Variants in CHD5 observed in about 807,000 individuals in gnomAD.
CHD5 encodes the protein chromodomain helicase DNA binding protein 5.
Under a neutral mutation model 230.3 loss-of-function variants are expected in CHD5, and 69 were observed. That is an observed-to-expected ratio of 0.30 (90% CI 0.25 to 0.37). The LOEUF is 0.37. CHD5 is among the 10% of genes least tolerant of loss of function. The pLI, the probability that CHD5 is intolerant of heterozygous loss-of-function variation, is 1.00. For missense variants in CHD5, 1,827 were observed against 2,622.8 expected (o/e 0.70, Z 6.63); for synonymous variants, 1,064 against 1,065.9 (o/e 1.00, Z 0.03).
intron 11 of CHD5, 138 bp from the exon 12 acceptor site, chr1:6,144,293 G>C: frequency 8.4e-7 from 1 of 1,194,222 alleles, no homozygotes. Flanking sequence ...AGGAGGAGAC[G>C]AGGGCAGAAG....
At position 6,131,888 on chromosome 1, in the gene CHD5, G is replaced by A. The variant is rs1666663410; in HGVS notation, c.3145-140C>T. 3.2e-6 allele frequency: 2 copies of A among 626,912 alleles called. No homozygotes were observed. The highest frequency in any genetic ancestry group is 5.8e-6 in the Non-Finnish European group (2 of 345,024). The allele number at this position is 626,912 out of a possible 1,614,324, so 38.8% of individuals were successfully genotyped here. On this transcript the variant is annotated intron_variant, in intron 20 of 41. Coordinates refer to ENST00000262450, the MANE Select transcript of CHD5 (RefSeq NM_015557.3). This position sits in a 1 kb window ranked among gnomAD's most constrained non-coding sequence, Gnocchi z 5.0. ...CAGCTGGGACCCAGGCAGGCCCAAT[G>A]CAGGACTCTGGGGAAGAACAAAGCT... is the stretch of plus-strand genomic sequence containing the variant.
Position 6,128,389 on chromosome 1 carries a change from A to G in CHD5, c.3730+110T>C. The G allele has an allele frequency of 2.7e-6, 3 of 1,130,282 alleles. No individual in the cohort carries two copies. Among genetic ancestry groups the G allele is most frequent in the Non-Finnish European group, 3.9e-6 (3 of 771,836 alleles). 70.0% of individuals were successfully genotyped at this position (1,130,282 alleles called of 1,614,324 possible). A position where few individuals can be genotyped will look rare whatever the true frequency, so the allele number is the denominator to read the frequency against. On this transcript the variant is annotated intron_variant, in intron 24 of 41. Coordinates refer to ENST00000262450, the MANE Select transcript of CHD5 (RefSeq NM_015557.3). The surrounding 1 kb of genome is among the most constrained non-coding windows in gnomAD (Gnocchi z 7.8). ...GCTGTAACAGCCCCACTCGCCGCCC[A>G]CCTGGCAGTCCCAGGACGCCCAAGT... is the stretch of plus-strand genomic sequence containing the variant.
chr1:6,106,829 G>C, intron 38 of CHD5, 50 bp from the exon 39 acceptor site: 1 of 1,525,888 alleles, frequency 6.6e-7, no homozygotes, highest in Non-Finnish European at 8.9e-7. Flanking sequence ...GAGGGGTGGA[G>C]GGATGGAGGA....
Position 6,160,983 on chromosome 1 carries a change from G to A in CHD5, c.208-1468C>T, listed in dbSNP as rs550688610. ...CTGCCATGATCCCCGGGGCATGCGG[G>A]GCTTGCCATGCGCAGGACTGCTGTT... is the stretch of plus-strand genomic sequence containing the variant. On this transcript the variant is annotated intron_variant, in intron 2 of 41. Coordinates refer to ENST00000262450, the MANE Select transcript of CHD5 (RefSeq NM_015557.3). Among the ~76,000 whole-genome samples, 185 of 152,332 alleles carry A rather than the reference G, an allele frequency of 1.2e-3. 1 individual carries two copies. The highest frequency in any genetic ancestry group is 4.3e-3 in the African/African-American group (177 of 41,584).
In CHD5 at chr1:6,126,871, C is replaced by T; in HGVS notation, c.3904-125G>A. On this transcript the variant is annotated intron_variant, in intron 25 of 41. Coordinates refer to ENST00000262450, the MANE Select transcript of CHD5 (RefSeq NM_015557.3). The surrounding 1 kb of genome is among the most constrained non-coding windows in gnomAD (Gnocchi z 5.7). ...CTCAAGGATTAATGGGATGGCCTGC[C>T]TACTCCAGGAAGCCTTCTCTGATCA... 1.2e-6 allele frequency: 1 copy of T among 820,118 alleles called. No individual in the cohort carries two copies. The highest frequency in any genetic ancestry group is 2.7e-5 in the East Asian group (1 of 37,474). The allele number at this position is 820,118 out of a possible 1,614,324, so 50.8% of individuals were successfully genotyped here. A position where few individuals can be genotyped will look rare whatever the true frequency, so the allele number is the denominator to read the frequency against.
chr1:6,129,211 C>T lies in CHD5; in HGVS notation c.3388-142G>A. The stretch of plus-strand genomic sequence containing the variant: ...GTGTGGTGCGTCCAGGTGTGTGGAG[C>T]CCACCACTGCAGCTGGGCTCCCTCC... On this transcript the variant is annotated intron_variant, in intron 22 of 41. Transcript: ENST00000262450. The surrounding 1 kb of genome is among the most constrained non-coding windows in gnomAD (Gnocchi z 6.8). 1.6e-6 allele frequency: 1 copy of T among 622,070 alleles called. No homozygotes were observed. The highest frequency in any genetic ancestry group is 2.8e-6 in the Non-Finnish European group (1 of 354,620). The allele number at this position is 622,070 out of a possible 1,614,324, so 38.5% of individuals were successfully genotyped here.
chr1:6,154,963 C>G lies in CHD5; in HGVS notation c.507-65G>C. The G allele has an allele frequency of 7.1e-7, 1 of 1,414,736 alleles. No homozygotes were observed. The highest frequency in any genetic ancestry group is 1.3e-5 in the South Asian group (1 of 79,868). The allele number at this position is 1,414,736 out of a possible 1,614,324, so 87.6% of individuals were successfully genotyped here. Reference sequence around the variant, plus strand: ...TGAGATGAGAGGCCCACCCGACCCCCGGCAGGGCCCACCCCTCTGCCACAT... The same window carrying G: ...TGAGATGAGAGGCCCACCCGACCCCGGGCAGGGCCCACCCCTCTGCCACAT... On this transcript the variant is annotated intron_variant, in intron 4 of 41. Transcript: ENST00000262450. The surrounding 1 kb of genome is among the most constrained non-coding windows in gnomAD (Gnocchi z 7.0).
chr1:6,105,476 C>T lies in CHD5; in HGVS notation c.*47-49G>A, dbSNP rs950525559. On this transcript the variant is annotated intron_variant, in intron 41 of 41. Transcript: ENST00000262450. This position sits in a 1 kb window ranked among gnomAD's most constrained non-coding sequence, Gnocchi z 4.8. ...TAAGCAGGTGGGCAGTTATAGGGGGCATCAGGGTGGCACCCAACAGCCTGT... is the reference window on the plus strand; with the variant it reads ...TAAGCAGGTGGGCAGTTATAGGGGGTATCAGGGTGGCACCCAACAGCCTGT... 2.2e-6 allele frequency: 1 copy of T among 460,436 alleles called. No homozygotes were observed. The highest frequency in any genetic ancestry group is 4.5e-6 in the Non-Finnish European group (1 of 222,974). 28.5% of individuals were successfully genotyped at this position (460,436 alleles called of 1,614,324 possible).
intron 1 of CHD5, 83 bp downstream of exon 1, chr1:6,179,853 GCGCCGCCCC>G (rs1667486508): frequency 7.4e-6 from 4 of 539,244 alleles, no homozygotes; most frequent in Non-Finnish European, 9.1e-6. Flanking sequence ...CAGCCCGGCC[GCGCCGCCCC>G]CGCCGCCCGC....
intron 1 of CHD5, among the ~76,000 whole-genome samples, chr1:6,178,230 C>A (rs1667455033): frequency 6.6e-6 from 1 of 152,124 alleles, no homozygotes. Flanking sequence ...TGACCAGAGC[C>A]CCGCCTCTCT....
rs1009796088 is a variant in CHD5, at chr1:6,105,360, G to T, written c.*114C>A. On this transcript the variant is annotated 3_prime_UTR_variant, in exon 42 of 42. Transcript: ENST00000262450. The surrounding 1 kb of genome is among the most constrained non-coding windows in gnomAD (Gnocchi z 4.8). ...GTTTCCCTTTTTGTCCCAAGGTGGC[G>T]CTGGCTCCTAAAAAGGTGGCAGCTT... 2 of 470,070 alleles carry T rather than the reference G, an allele frequency of 4.3e-6. No homozygotes were observed. The highest frequency in any genetic ancestry group is 7.0e-5 in the East Asian group (1 of 14,388). 29.1% of individuals were successfully genotyped at this position (470,070 alleles called of 1,614,324 possible). A position where few individuals can be genotyped will look rare whatever the true frequency, so the allele number is the denominator to read the frequency against.
Position 6,151,104 on chromosome 1 carries a change from T to C in CHD5, c.922A>G (p.Ser308Gly), listed in dbSNP as rs770668383. 1.2e-6 allele frequency: 2 copies of C among 1,609,962 alleles called. No homozygotes were observed. The highest frequency in any genetic ancestry group is 2.2e-5 in the East Asian group (1 of 44,686). Residue 308 changes from serine to glycine, a missense_variant, in exon 7 of 42, where the codon AGT becomes GGT. Transcript: ENST00000262450. Reference sequence around the variant, plus strand: ...GAGCATTCGGAGCGCACGGAGGCACTGTGGATGCTGGCGCTGTCGAAGTCC... The same window carrying C: ...GAGCATTCGGAGCGCACGGAGGCACCGTGGATGCTGGCGCTGTCGAAGTCC... ...ESDFDSASIHSASVRSECSAA... is the reference protein window; with the variant it reads ...ESDFDSASIHGASVRSECSAA...
intron 17 of CHD5, 151 bp downstream of exon 17, chr1:6,136,366 G>C: frequency 1.1e-6 from 1 of 877,034 alleles, no homozygotes. Context: ...TCCTGCAGGA[G>C]GTCAAAGCGG....
intron 9 of CHD5, 148 bp from the exon 10 acceptor site, chr1:6,147,019 C>T: frequency 1.6e-6 from 1 of 639,556 alleles, no homozygotes; most frequent in Non-Finnish European, 2.6e-6. Flanking sequence ...CCATGACATC[C>T]ACCCCGTCCC....
At position 6,129,599 on chromosome 1, in the gene CHD5, C is replaced by T. The variant is rs754532906; in HGVS notation, c.3388-530G>A. On this transcript the variant is annotated intron_variant, in intron 22 of 41. Coordinates refer to ENST00000262450, the MANE Select transcript of CHD5 (RefSeq NM_015557.3). This position sits in a 1 kb window ranked among gnomAD's most constrained non-coding sequence, Gnocchi z 6.8. ...GTGGCCGTGTATATCTGTGTATGTG[C>T]ATGGGCGCACACACATGTGAATGAG... is the stretch of plus-strand genomic sequence containing the variant. Among the ~76,000 whole-genome samples the T allele has an allele frequency of 1.2e-4, 18 of 152,170 alleles. No individual in the cohort carries two copies. Among genetic ancestry groups the T allele is most frequent in the Non-Finnish European group, 2.4e-4 (16 of 68,026 alleles).
At chr1:6,168,354 G>A in intron 1 of CHD5, 77 bp from the exon 2 acceptor site, 3 of 1,481,416 alleles carry the variant, frequency 2.0e-6, no homozygotes, top group East Asian at 2.3e-5. Context: ...AGCCAGCCCT[G>A]GGGAAGCTGG....
intron 3 of CHD5, among the ~76,000 whole-genome samples, chr1:6,156,113 AG>A (rs1317674283): frequency 6.6e-6 from 1 of 152,242 alleles, no homozygotes; most frequent in African/African-American, 2.4e-5. Context: ...GCAGGACAAC[AG>A]AACTTGCCCT....
In CHD5 at chr1:6,121,548, G is replaced by A. The variant is rs76435043; in HGVS notation, c.4725C>T (p.Tyr1575=). ...LPDKMEAQLG[Y]MDEKDPGAQK... ...GTGCCCCGGGGTCTTTCTCATCCATGTAGCCCAGCTGGGCTTCCATTTTGT... is the reference window on the plus strand; with the variant it reads ...GTGCCCCGGGGTCTTTCTCATCCATATAGCCCAGCTGGGCTTCCATTTTGT... Residue 1575 remains tyrosine (Y), a synonymous_variant, in exon 32 of 42, where the codon TAC becomes TAT. Transcript: ENST00000262450. This position sits in a 1 kb window ranked among gnomAD's most constrained non-coding sequence, Gnocchi z 4.5. The A allele has an allele frequency of 1.6e-4, 255 of 1,613,112 alleles. 1 individual carries two copies. In the African/African-American group the frequency reaches 3.2e-3, roughly 20 times the overall value.
chr1:6,112,917 A>C lies in CHD5; in HGVS notation c.4994T>G (p.Leu1665Arg). 1 of 1,613,122 alleles carries C rather than the reference A, an allele frequency of 6.2e-7. No individual in the cohort carries two copies. Among genetic ancestry groups the C allele is most frequent in the Non-Finnish European group, 8.5e-7 (1 of 1,179,184 alleles). ...LIHSRGDSSE[L>R]RPDDTKAEEK... ...ACAGAAGAGCCCCAGACCTGGCCTG[A>C]GTTCGGAACTGTCCCCTCTGCTGTG... The change falls in exon 34 of 42, where the codon CTC becomes CGC. Residue 1665 changes from leucine to arginine, a missense_variant. Physicochemically the swap from Leu to Arg is moderately radical, Grantham distance 102. Around this residue, in one of 14 missense-constraint regions of CHD5, gnomAD observed 272 missense variants for 263.2 expected, o/e 1.03. Coordinates refer to ENST00000262450, the MANE Select transcript of CHD5 (RefSeq NM_015557.3).
Sources: gnomAD v4.1 joint callset for allele counts (sites outside exome capture counted in the v4.1 genomes callset) on GRCh38, gnomAD v4.1.1 for gene constraint, gnomAD v4.1.1 regional missense constraint, Gnocchi (gnomAD v3.1) non-coding constraint, MANE v1.5 for transcripts, NCBI Gene and HGNC (gene_info 2026-07-23, HGNC 2026-07-21) for gene names.